CNTLN: variants seen among roughly 807,000 people sequenced by gnomAD.
The protein encoded by CNTLN is centlein, centrosomal protein.
CNTLN carries 212 observed loss-of-function variants against 180.0 expected under a neutral mutation model. The ratio of observed to expected loss-of-function variants is 1.18; its 90% confidence interval spans 1.05 to 1.32. The LOEUF is 1.32. Among genes scored for constraint, CNTLN ranks in the 40% most tolerant of loss-of-function variants. CNTLN has a pLI of 0.00. For synonymous variants in CNTLN, 722 were observed against 563.1 expected, an observed-to-expected ratio of 1.28 and a Z score of -3.99; for missense variants, 2,095 against 1,610.9, an observed-to-expected ratio of 1.30 and a Z score of -5.14.
At chr9:17,216,222 TG>T (rs1333634031) in intron 2 of CNTLN, among the ~76,000 whole-genome samples, 1 of 152,130 alleles carries the variant, frequency 6.6e-6, no homozygotes, top group African/African-American at 2.4e-5. Context: ...TAATAATTAG[TG>T]GTTAAGAACA....
intron 6 of CNTLN, among the ~76,000 whole-genome samples, chr9:17,289,713 TA>T (rs1829234111): frequency 7.1e-6 from 1 of 141,078 alleles, no homozygotes; most frequent in Admixed American, 7.0e-5. Flanking sequence ...CATTTCTTTT[TA>T]TTCTTTTTTC....
At chr9:17,443,644 A>T (rs1830236889) in intron 18 of CNTLN, among the ~76,000 whole-genome samples, 1 of 152,176 alleles carries the variant, frequency 6.6e-6, no homozygotes, top group South Asian at 2.1e-4. Flanking sequence ...GTCTTAGTTG[A>T]CTGGTTAACA....
intron 7 of CNTLN, among the ~76,000 whole-genome samples, chr9:17,306,778 TCA>T (rs1818746119): frequency 6.6e-6 from 1 of 152,230 alleles, no homozygotes; most frequent in Non-Finnish European, 1.5e-5. Context: ...ATTATTTACC[TCA>T]GAGGGATTAA....
At chr9:17,140,611 T>C (rs1276258826) in intron 1 of CNTLN, among the ~76,000 whole-genome samples, 1 of 152,096 alleles carries the variant, frequency 6.6e-6, no homozygotes, top group Non-Finnish European at 1.5e-5. Context: ...TAGCTAATTT[T>C]TAAGTTTTTT....
At chr9:17,198,553 A>C (rs973745608) in intron 2 of CNTLN, among the ~76,000 whole-genome samples, 7 of 105,854 alleles carry the variant, frequency 6.6e-5, no homozygotes, top group East Asian at 2.7e-4. Flanking sequence ...TTTTTTTTTT[A>C]GATTATTTGC....
intron 7 of CNTLN, chr9:17,301,364 A>G (rs1437892281): frequency 1.0e-6 from 1 of 985,268 alleles, no homozygotes; most frequent in Non-Finnish European, 1.2e-6. Flanking sequence ...AGAGATGTAA[A>G]TGATGGGGTT....
At chr9:17,477,112 G>C (rs1339396157) in intron 23 of CNTLN, among the ~76,000 whole-genome samples, 1 of 152,062 alleles carries the variant, frequency 6.6e-6, no homozygotes, top group Non-Finnish European at 1.5e-5. Flanking sequence ...GAACAACAAA[G>C]CCTAAATGAC....
intron 12 of CNTLN, among the ~76,000 whole-genome samples, chr9:17,349,221 G>A (rs1822167494): frequency 6.6e-6 from 1 of 152,092 alleles, no homozygotes; most frequent in African/African-American, 2.4e-5. Flanking sequence ...TAATTAGCAG[G>A]AGGAATAGAG....
At chr9:17,331,872 T>C (rs1466157203) in intron 9 of CNTLN, among the ~76,000 whole-genome samples, 1 of 152,030 alleles carries the variant, frequency 6.6e-6, no homozygotes, top group African/African-American at 2.4e-5. Flanking sequence ...GCTTGCTCGA[T>C]TGCTGAAATT....
chr9:17,468,659 A>G (rs1831886665), intron 23 of CNTLN, among the ~76,000 whole-genome samples: 1 of 151,766 alleles, frequency 6.6e-6, no homozygotes, highest in Non-Finnish European at 1.5e-5. Context: ...AAATAGAAAA[A>G]TTAATTTCAT....
chr9:17,447,216 GA>G, intron 18 of CNTLN: 1 of 216,426 alleles, frequency 4.6e-6, no homozygotes. Flanking sequence ...ACTCCCATAG[GA>G]AAGTAGTAAT....
chr9:17,472,921 C>T (rs780637139), intron 23 of CNTLN, among the ~76,000 whole-genome samples: 3 of 152,094 alleles, frequency 2.0e-5, no homozygotes, highest in Non-Finnish European at 2.9e-5. Flanking sequence ...ATTACTACCA[C>T]CCTCCTTCCC....
intron 2 of CNTLN, among the ~76,000 whole-genome samples, chr9:17,206,230 A>T (rs574839038): frequency 2.0e-3 from 299 of 152,274 alleles, no homozygotes; most frequent in African/African-American, 6.6e-3. Context: ...CTTTTTTTTA[A>T]CCAAACCAAA....
At chr9:17,470,323 G>C (rs373889876) in intron 23 of CNTLN, among the ~76,000 whole-genome samples, 2 of 151,832 alleles carry the variant, frequency 1.3e-5, no homozygotes, top group Non-Finnish European at 2.9e-5. Flanking sequence ...GAATGCACAT[G>C]GTACCTACAT....
chr9:17,459,298 T>C (rs975293101), intron 19 of CNTLN, among the ~76,000 whole-genome samples: 6 of 151,852 alleles, frequency 4.0e-5, no homozygotes, highest in Non-Finnish European at 8.8e-5. Flanking sequence ...ATTATGGTTT[T>C]CCATGGTATA....
chr9:17,442,734 A>G (rs925307253), intron 18 of CNTLN, among the ~76,000 whole-genome samples: 1 of 152,184 alleles, frequency 6.6e-6, no homozygotes, highest in African/African-American at 2.4e-5. Context: ...TGGGTTAAAG[A>G]TGTCACAAAG....
At chr9:17,464,106 T>C (rs898789616) in intron 20 of CNTLN, among the ~76,000 whole-genome samples, 11 of 151,482 alleles carry the variant, frequency 7.3e-5, no homozygotes, top group African/African-American at 2.7e-4. Context: ...CATTTGTTTA[T>C]TGAAGTATAA....
chr9:17,432,095 A>C (rs74563187), intron 18 of CNTLN, among the ~76,000 whole-genome samples: 4,780 of 152,280 alleles, frequency 0.031, 244 homozygotes, highest in East Asian at 0.26. Context: ...GAGACCCAGT[A>C]CTTTGAAACA....
intron 15 of CNTLN, among the ~76,000 whole-genome samples, chr9:17,402,829 C>G (rs981137029): frequency 1.1e-4 from 16 of 151,780 alleles, no homozygotes; most frequent in Non-Finnish European, 7.4e-5. Flanking sequence ...TCTCCTGAGT[C>G]TCTAGCCTAC....
Sources: gnomAD v4.1 joint callset for allele counts (sites outside exome capture counted in the v4.1 genomes callset) on GRCh38, gnomAD v4.1.1 for gene constraint, MANE v1.5 for transcripts, NCBI Gene and HGNC (gene_info 2026-07-23, HGNC 2026-07-21) for gene names.